CTNNA2: variants seen among roughly 807,000 people sequenced by gnomAD.
CTNNA2 encodes the protein catenin alpha 2, also known as catenin alpha-2.
A neutral mutation model predicts 101.0 loss-of-function variants in CTNNA2; 42 were observed. That is an observed-to-expected ratio of 0.42 (90% CI 0.32 to 0.54). The LOEUF is 0.54. CTNNA2 is among the 20% of genes least tolerant of loss of function. The pLI is 0.14. For synonymous variants in CTNNA2, 450 were observed against 456.4 expected (o/e 0.99, Z 0.18); for missense variants, 871 against 1,223.1 (o/e 0.71, Z 4.29).
intron 7 of CTNNA2, among the ~76,000 whole-genome samples, chr2:80,386,719 A>C (rs1460760241): frequency 6.6e-6 from 1 of 152,204 alleles, no homozygotes; most frequent in African/African-American, 2.4e-5. Context: ...AAAACTGGGC[A>C]TTTGATTAGC....
intron 3 of CTNNA2, among the ~76,000 whole-genome samples, chr2:79,837,800 A>G (rs1679502327): frequency 6.6e-6 from 1 of 152,130 alleles, no homozygotes; most frequent in South Asian, 2.1e-4. Flanking sequence ...CATTTAGCCT[A>G]TGGGAAAATA....
At chr2:80,420,939 C>T (rs1278182491) in intron 9 of CTNNA2, among the ~76,000 whole-genome samples, 1 of 152,180 alleles carries the variant, frequency 6.6e-6, no homozygotes, top group Non-Finnish European at 1.5e-5. Flanking sequence ...AATACAATAT[C>T]AAAGCAGTTT....
intron 7 of CTNNA2, among the ~76,000 whole-genome samples, chr2:80,321,101 A>G (rs1203902079): frequency 1.3e-5 from 2 of 152,232 alleles, no homozygotes; most frequent in Non-Finnish European, 2.9e-5. Context: ...CTTTTTTGAC[A>G]TGATAGGTTC....
At chr2:79,350,176 G>A (rs1257287631) in intron 3 of CTNNA2, among the ~76,000 whole-genome samples, 1 of 150,034 alleles carries the variant, frequency 6.7e-6, no homozygotes, top group African/African-American at 2.5e-5. Context: ...GTGGAGCTTT[G>A]TTAAATAGAT....
At chr2:79,534,798 A>G (rs1233706374) in intron 1 of CTNNA2, among the ~76,000 whole-genome samples, 1 of 151,830 alleles carries the variant, frequency 6.6e-6, no homozygotes, top group Non-Finnish European at 1.5e-5. Context: ...CACTTGTGTG[A>G]TTATTGGCTT....
At chr2:80,548,718 C>T (rs893567076) in intron 11 of CTNNA2, among the ~76,000 whole-genome samples, 2 of 152,106 alleles carry the variant, frequency 1.3e-5, no homozygotes, top group South Asian at 2.1e-4. Flanking sequence ...TTTCCGCAGA[C>T]GGGGTTTGAC....
At chr2:80,243,654 T>A (rs1007312781) in intron 7 of CTNNA2, among the ~76,000 whole-genome samples, 1 of 152,226 alleles carries the variant, frequency 6.6e-6, no homozygotes, top group African/African-American at 2.4e-5. Context: ...AGTTTGTTTA[T>A]CCATTCACCT....
chr2:79,327,975 C>G (rs936792605), intron 3 of CTNNA2, among the ~76,000 whole-genome samples: 1 of 151,810 alleles, frequency 6.6e-6, no homozygotes, highest in African/African-American at 2.4e-5. Flanking sequence ...CATGGGGTTG[C>G]GGGGGTGAGG....
intron 7 of CTNNA2, among the ~76,000 whole-genome samples, chr2:79,951,614 G>C (rs1033755767): frequency 3.3e-5 from 5 of 152,010 alleles, no homozygotes; most frequent in Non-Finnish European, 5.9e-5. Context: ...GCAGTGAGCC[G>C]AGATTGTGCC....
In CTNNA2 at chr2:79,543,646, C is replaced by T. The variant is rs535869283; in HGVS notation, c.-6+30439C>T. Among the ~76,000 whole-genome samples the T allele has an allele frequency of 2.3e-4, 35 of 152,030 alleles. 1 individual carries two copies. The South Asian group carries it at 5.6e-3, about 24-fold the overall frequency. On this transcript the variant is annotated intron_variant, in intron 1 of 18. Transcript: ENST00000402739. ...GGTTTTATGCTTCACTAGCAATGAA[C>T]AGATCATTTAATAGATGATTATATA...
intron 7 of CTNNA2, among the ~76,000 whole-genome samples, chr2:80,263,497 G>A (rs1206474426): frequency 6.6e-6 from 1 of 152,072 alleles, no homozygotes; most frequent in African/African-American, 2.4e-5. Flanking sequence ...ACCATGCCTG[G>A]CTAATTTTCT....
intron 7 of CTNNA2, among the ~76,000 whole-genome samples, chr2:79,938,599 C>T (rs943022756): frequency 2.0e-5 from 3 of 152,192 alleles, no homozygotes; most frequent in South Asian, 4.1e-4. Context: ...TGACTAAAAT[C>T]ACAGGCATAA....
intron 7 of CTNNA2, among the ~76,000 whole-genome samples, chr2:80,248,032 TG>T (rs1671466085): frequency 6.6e-6 from 1 of 151,260 alleles, no homozygotes; most frequent in Non-Finnish European, 1.5e-5. Flanking sequence ...TTTTTTTTTG[TG>T]GGGGCAGGGG....
chr2:80,199,023 A>G (rs1182884747), intron 7 of CTNNA2, among the ~76,000 whole-genome samples: 1 of 151,854 alleles, frequency 6.6e-6, no homozygotes, highest in Non-Finnish European at 1.5e-5. Flanking sequence ...TCTACTAAAA[A>G]TAAAAAAATT....
intron 16 of CTNNA2, 140 bp downstream of exon 16, chr2:80,604,319 G>A (rs1180324879): frequency 3.0e-6 from 2 of 677,340 alleles, no homozygotes; most frequent in Non-Finnish European, 5.2e-6. Context: ...TTTACACACT[G>A]GTATCTGCCT....
At chr2:80,297,623 G>A (rs1675861349) in intron 7 of CTNNA2, among the ~76,000 whole-genome samples, 1 of 152,060 alleles carries the variant, frequency 6.6e-6, no homozygotes, top group African/African-American at 2.4e-5. Flanking sequence ...TTTGCCTCCT[G>A]AATCCCAGAA....
chr2:80,366,367 T>A (rs770416801), intron 7 of CTNNA2, among the ~76,000 whole-genome samples: 13 of 152,208 alleles, frequency 8.5e-5, no homozygotes, highest in Non-Finnish European at 1.6e-4. Flanking sequence ...AGTGCCTTGA[T>A]ACTTGCATTG....
upstream of CTNNA2, among the ~76,000 whole-genome samples, chr2:79,511,984 C>T (rs114406384): frequency 2.2e-3 from 330 of 152,256 alleles, 2 homozygotes; most frequent in African/African-American, 7.6e-3. Context: ...CTTTTTGTTT[C>T]TCTCTCTTGA....
At chr2:79,856,642 T>C (rs979766668) in intron 3 of CTNNA2, among the ~76,000 whole-genome samples, 5 of 152,232 alleles carry the variant, frequency 3.3e-5, no homozygotes, top group Non-Finnish European at 7.3e-5. Flanking sequence ...GATTTGGTTA[T>C]CAGTCTCAAT....
Sources: gnomAD v4.1 joint callset for allele counts (sites outside exome capture counted in the v4.1 genomes callset) on GRCh38, gnomAD v4.1.1 for gene constraint, MANE v1.5 for transcripts, NCBI Gene and HGNC (gene_info 2026-07-23, HGNC 2026-07-21) for gene names.